Variants in CCDC15 observed in about 807,000 individuals in gnomAD.
CCDC15 encodes coiled-coil domain-containing protein 15.
CCDC15 carries 105 observed loss-of-function variants against 114.5 expected under a neutral mutation model. The ratio of observed to expected loss-of-function variants is 0.92; its 90% CI spans 0.78 to 1.08. The LOEUF is 1.08. Ranked by LOEUF, CCDC15 falls within the 50% of genes least tolerant of loss-of-function variation. The pLI is 0.00. For synonymous variants in CCDC15, 334 were observed against 377.8 expected (o/e 0.88, Z 1.34); for missense variants, 1,105 against 1,093.6 (o/e 1.01, Z -0.15).
chr11:125,004,185 A>C (rs1948523527), intron 12 of CCDC15, among the ~76,000 whole-genome samples: 2 of 152,108 alleles, frequency 1.3e-5, no homozygotes, highest in South Asian at 4.1e-4. Context: ...GATACTAATA[A>C]ATTTCTCCAG....
chr11:124,969,164 A>G (rs1947836971), intron 4 of CCDC15, among the ~76,000 whole-genome samples: 1 of 152,120 alleles, frequency 6.6e-6, no homozygotes, highest in Non-Finnish European at 1.5e-5. Context: ...ACAACACAAT[A>G]CTGTATTTTA....
chr11:125,025,788 G>A (rs1047203736), intron 13 of CCDC15, among the ~76,000 whole-genome samples: 4 of 151,934 alleles, frequency 2.6e-5, no homozygotes, highest in African/African-American at 7.3e-5. Flanking sequence ...TTTGATATAT[G>A]TAGAGTCTCT....
At chr11:124,967,841 G>C (rs1286854069) in intron 4 of CCDC15, among the ~76,000 whole-genome samples, 1 of 152,180 alleles carries the variant, frequency 6.6e-6, no homozygotes, top group Non-Finnish European at 1.5e-5. Context: ...TTTTGTTGAT[G>C]TTGATGCTAT....
intron 13 of CCDC15, among the ~76,000 whole-genome samples, chr11:125,036,767 A>G (rs548108374): frequency 3.3e-5 from 5 of 152,154 alleles, no homozygotes; most frequent in African/African-American, 1.2e-4. Context: ...ACTGTGATGC[A>G]TTCTTTAGTA....
At chr11:124,995,836 CTTTTTTTTTTTTGAGACAGAGTCTTA>C (rs1948357983) in intron 11 of CCDC15, among the ~76,000 whole-genome samples, 1 of 144,492 alleles carries the variant, frequency 6.9e-6, no homozygotes. Context: ...GCCTTTTCTC[CTTTTTTTTTTTTGAGACAGAGTCTTA>C]CTCTGTCACC....
At position 125,003,984 on chromosome 11, in the gene CCDC15, T is replaced by A. The variant is rs760144745; in HGVS notation, c.2307+25T>A. 37 of 1,157,798 alleles carry A rather than the reference T, an allele frequency of 3.2e-5. 1 individual carries two copies. In the South Asian group the frequency reaches 5.6e-4, roughly 18 times the overall value. 71.7% of individuals were successfully genotyped at this position (1,157,798 alleles called of 1,614,324 possible). ...GGTATGTAATGATACTGCTTTTGGA[T>A]CCCAATATTTCTACTATGATAGTAT... On this transcript the variant is annotated intron_variant, in intron 12 of 15. Transcript: ENST00000344762.
intron 11 of CCDC15, among the ~76,000 whole-genome samples, chr11:125,000,781 C>T (rs774044709): frequency 6.6e-6 from 1 of 152,064 alleles, no homozygotes. Flanking sequence ...TCTTGTCATT[C>T]ATAGTGGTTG....
intron 13 of CCDC15, among the ~76,000 whole-genome samples, chr11:125,016,809 C>T (rs1211557197): frequency 2.0e-5 from 3 of 152,178 alleles, no homozygotes; most frequent in Non-Finnish European, 2.9e-5. Flanking sequence ...CAGTGGGAAA[C>T]TTCTTTAGCA....
chr11:124,955,119 C>T (rs1565349955), intron 2 of CCDC15, among the ~76,000 whole-genome samples: 1 of 152,214 alleles, frequency 6.6e-6, no homozygotes, highest in Non-Finnish European at 1.5e-5. Context: ...ATTTATTACT[C>T]ACCTACTATA....
chr11:125,032,520 T>C (rs997043557), intron 13 of CCDC15, among the ~76,000 whole-genome samples: 1 of 152,202 alleles, frequency 6.6e-6, no homozygotes, highest in Non-Finnish European at 1.5e-5. Context: ...ATGGGAGAGT[T>C]GAATGAGGAT....
chr11:124,980,040 TTTTTG>T (rs1222518885), intron 6 of CCDC15, among the ~76,000 whole-genome samples: 1 of 152,132 alleles, frequency 6.6e-6, no homozygotes, highest in Non-Finnish European at 1.5e-5. Context: ...CATCATGTGG[TTTTTG>T]TTTTTAGTTC....
At chr11:125,023,050 T>C (rs1948672589) in intron 13 of CCDC15, among the ~76,000 whole-genome samples, 1 of 151,934 alleles carries the variant, frequency 6.6e-6, no homozygotes. Context: ...TTTGTTCTTT[T>C]ATGGAGTGTG....
intron 13 of CCDC15, among the ~76,000 whole-genome samples, chr11:125,011,562 A>G (rs914706804): frequency 1.1e-4 from 16 of 152,272 alleles, no homozygotes; most frequent in African/African-American, 3.4e-4. Context: ...AGAAGAATTC[A>G]TTTAAAAAAA....
chr11:124,979,260 C>G (rs1196293057), intron 6 of CCDC15, among the ~76,000 whole-genome samples: 1 of 152,056 alleles, frequency 6.6e-6, no homozygotes, highest in Non-Finnish European at 1.5e-5. Context: ...CTTAGAATTG[C>G]CTTGGCTATT....
intron 6 of CCDC15, 146 bp from the exon 7 acceptor site, chr11:124,986,596 T>TA: frequency 1.2e-6 from 1 of 836,160 alleles, no homozygotes; most frequent in Non-Finnish European, 1.8e-6. Flanking sequence ...ACTAAAATTA[T>TA]AATAGCAGTG....
intron 2 of CCDC15, among the ~76,000 whole-genome samples, chr11:124,958,263 T>G (rs1947583988): frequency 6.6e-6 from 1 of 152,184 alleles, no homozygotes; most frequent in East Asian, 1.9e-4. Context: ...AGAACAAGCT[T>G]GTCCAACATG....
intron 6 of CCDC15, 36 bp from the exon 7 acceptor site, chr11:124,986,700 TGCGCGC>T (rs1555068495): frequency 2.2e-6 from 3 of 1,351,576 alleles, no homozygotes; most frequent in Non-Finnish European, 2.0e-6. Flanking sequence ...TTTGTGTGTG[TGCGCGC>T]GCGCGCGTGC....
intron 12 of CCDC15, among the ~76,000 whole-genome samples, 177 bp downstream of exon 12, chr11:125,004,136 C>T (rs532627500): frequency 6.6e-6 from 1 of 151,878 alleles, no homozygotes. Context: ...TTTCCAAGCT[C>T]CTATGAGTTA....
chr11:125,027,812 G>A (rs750652670), intron 13 of CCDC15, among the ~76,000 whole-genome samples: 11 of 151,802 alleles, frequency 7.2e-5, no homozygotes, highest in Admixed American at 2.6e-4. Context: ...CTTTGCCTAA[G>A]CCAATGTCTA....
Sources: allele counts gnomAD v4.1 joint callset (sites outside exome capture counted in the v4.1 genomes callset), GRCh38; gene constraint gnomAD v4.1.1; transcripts MANE v1.5; gene names NCBI Gene and HGNC (gene_info 2026-07-23, HGNC 2026-07-21).